CAPZB: variants seen among roughly 807,000 people sequenced by gnomAD.
CAPZB encodes capping actin protein of muscle Z-line subunit beta.
CAPZB carries 2 observed loss-of-function variants against 38.1 expected under a neutral mutation model. The observed-to-expected ratio is 0.05, with a 90% CI of 0.02 to 0.17. CAPZB has a LOEUF of 0.17. CAPZB is among the 10% of genes least tolerant of loss of function. CAPZB has a pLI of 1.00. For missense variants in CAPZB, 161 were observed against 334.2 expected (o/e 0.48, Z 4.04); for synonymous variants, 107 against 127.4 (o/e 0.84, Z 1.08).
chr1:19,386,783 C>T (rs950065813), intron 2 of CAPZB, among the ~76,000 whole-genome samples: 167 of 152,310 alleles, frequency 1.1e-3, no homozygotes, highest in African/African-American at 3.9e-3. Context: ...GACTGTAACC[C>T]TGCCTCATAA....
At chr1:19,370,304 C>T (rs1442722239) in intron 4 of CAPZB, among the ~76,000 whole-genome samples, 2 of 152,216 alleles carry the variant, frequency 1.3e-5, no homozygotes, top group Admixed American at 6.5e-5. Context: ...CTCCATAATT[C>T]GCTACAAGGA....
chr1:19,447,523 C>T (rs1219479516), intron 1 of CAPZB, among the ~76,000 whole-genome samples: 5 of 151,950 alleles, frequency 3.3e-5, no homozygotes, highest in Non-Finnish European at 5.9e-5. Context: ...GCGAGAGCCA[C>T]TGCACCTGGC....
intron 1 of CAPZB, among the ~76,000 whole-genome samples, chr1:19,422,253 G>A (rs994147763): frequency 3.3e-5 from 5 of 152,096 alleles, no homozygotes; most frequent in African/African-American, 1.2e-4. Context: ...GACATCTAAT[G>A]GGTAGGGGCC....
chr1:19,357,453 C>A lies in CAPZB; in HGVS notation c.440G>T (p.Cys147Phe). 6.2e-7 allele frequency: 1 copy of A among 1,614,038 alleles called. No individual in the cohort carries two copies. Among genetic ancestry groups the A allele is most frequent in the Non-Finnish European group, 8.5e-7 (1 of 1,180,024 alleles). ...TTCTACCACGTGGATGGAATCCCAG[C>A]AGCCTTTGATCTTCTTTGATCCATC... is the stretch of plus-strand genomic sequence containing the variant. ...AGDGSKKIKG[C>F]WDSIHVVEVQ... The change falls in exon 5 of 9, where the codon TGC (cysteine) becomes TTC (phenylalanine). Residue 147 changes from cysteine to phenylalanine, a missense_variant. Cys to Phe is a radical substitution (Grantham distance 205). Coordinates refer to ENST00000264202, the MANE Select transcript of CAPZB (RefSeq NM_004930.5). The surrounding 1 kb of genome is among the most constrained non-coding windows in gnomAD (Gnocchi z 4.3).
intron 1 of CAPZB, among the ~76,000 whole-genome samples, chr1:19,459,448 G>A (rs542588292): frequency 1.3e-5 from 2 of 152,188 alleles, no homozygotes; most frequent in African/African-American, 4.8e-5. Flanking sequence ...TTTTTAAAGA[G>A]AGAAAATAGG....
chr1:19,416,932 T>C (rs2094382583), intron 2 of CAPZB, among the ~76,000 whole-genome samples: 1 of 138,612 alleles, frequency 7.2e-6, no homozygotes, highest in Non-Finnish European at 1.5e-5. Flanking sequence ...CAGTACACCA[T>C]ATATCAGTGG....
chr1:19,368,495 G>GAA (rs33961282), intron 4 of CAPZB, among the ~76,000 whole-genome samples: 11 of 112,724 alleles, frequency 9.8e-5, no homozygotes, highest in South Asian at 3.0e-4. Flanking sequence ...TTTTTTCTTG[G>GAA]AAAAAAAAAA....
At chr1:19,407,554 A>C (rs1483561581) in intron 2 of CAPZB, among the ~76,000 whole-genome samples, 1 of 152,120 alleles carries the variant, frequency 6.6e-6, no homozygotes, top group Non-Finnish European at 1.5e-5. Context: ...AATGGCAAGG[A>C]AGCTGGGAAA....
intron 2 of CAPZB, among the ~76,000 whole-genome samples, chr1:19,414,219 T>G (rs1245869169): frequency 6.6e-6 from 1 of 152,042 alleles, no homozygotes; most frequent in Non-Finnish European, 1.5e-5. Flanking sequence ...GCTGCCCCGA[T>G]GGGGGTGGCG....
intron 8 of CAPZB, among the ~76,000 whole-genome samples, chr1:19,340,459 A>G (rs1288331275): frequency 6.6e-6 from 1 of 152,268 alleles, no homozygotes; most frequent in Non-Finnish European, 1.5e-5. Context: ...ATGAAGGCTT[A>G]TGGAGATTTC....
At position 19,344,344 on chromosome 1, in the gene CAPZB, T is replaced by G. The variant is rs778402506; in HGVS notation, c.731+14A>C. On this transcript the variant is annotated intron_variant, in intron 8 of 8. Transcript: ENST00000264202. ...TCTGTCTGCTTCTAAAGCTTGTGCT[T>G]TCTGGTACATTACCTCAGCCCATTG... The G allele has an allele frequency of 6.2e-7, 1 of 1,603,364 alleles. No individual in the cohort carries two copies. Among genetic ancestry groups the G allele is most frequent in the South Asian group, 1.1e-5 (1 of 90,860 alleles).
intron 1 of CAPZB, among the ~76,000 whole-genome samples, chr1:19,432,474 T>C (rs2094445466): frequency 6.6e-6 from 1 of 152,320 alleles, no homozygotes; most frequent in African/African-American, 2.4e-5. Flanking sequence ...TACTTATATA[T>C]TGTCCAGATA....
intron 3 of CAPZB, 137 bp downstream of exon 3, chr1:19,385,368 G>T: frequency 1.2e-6 from 1 of 829,288 alleles, no homozygotes; most frequent in Non-Finnish European, 1.9e-6. Flanking sequence ...AAGGAGAGGA[G>T]GGCAGGGAAC....
rs573471339 is a variant in CAPZB, at chr1:19,471,592, C to T, written c.3+13844G>A. On this transcript the variant is annotated intron_variant, in intron 1 of 8. Coordinates refer to ENST00000264202, the MANE Select transcript of CAPZB (RefSeq NM_004930.5). ...CGAGAAATGCTTCCTCGGCTGGGCG[C>T]TGTGGCTCACACCTGTAATCCCAGC... Among the ~76,000 whole-genome samples the T allele has an allele frequency of 5.4e-3, 818 of 152,230 alleles. 6 individuals are homozygous for T. Among genetic ancestry groups the T allele is most frequent in the African/African-American group, 0.019 (781 of 41,522 alleles).
intron 2 of CAPZB, among the ~76,000 whole-genome samples, chr1:19,399,565 GTGCTA>G (rs2094291881): frequency 6.6e-6 from 1 of 152,160 alleles, no homozygotes; most frequent in African/African-American, 2.4e-5. Context: ...CCATGAAACG[GTGCTA>G]CATGGGGCAT....
At chr1:19,433,179 C>A (rs2094447856) in intron 1 of CAPZB, among the ~76,000 whole-genome samples, 1 of 152,208 alleles carries the variant, frequency 6.6e-6, no homozygotes, top group African/African-American at 2.4e-5. Context: ...CTAATCCCTG[C>A]ACTTTGTCAA....
rs572346759 is a variant in CAPZB, at chr1:19,449,055, A to G, written c.4-29305T>C. 593 of 1,480,058 alleles carry G rather than the reference A, an allele frequency of 4.0e-4. 2 individuals carry two copies. The highest frequency in any genetic ancestry group is 4.9e-4 in the Non-Finnish European group (545 of 1,110,176). The allele number at this position is 1,480,058 out of a possible 1,614,324, so 91.7% of individuals were successfully genotyped here. ...TCCTGACTTCTCCCATCTGGTTTCC[A>G]TCTGACCCAAGCAGCTGGCCAGATG... is the stretch of plus-strand genomic sequence containing the variant. On this transcript the variant is annotated intron_variant, in intron 1 of 8. Coordinates refer to ENST00000264202, the MANE Select transcript of CAPZB (RefSeq NM_004930.5).
chr1:19,386,246 C>T (rs191124114), intron 2 of CAPZB, among the ~76,000 whole-genome samples: 1 of 152,306 alleles, frequency 6.6e-6, no homozygotes, highest in East Asian at 1.9e-4. Flanking sequence ...AAGATGACCC[C>T]GCGGTCGGGG....
intron 2 of CAPZB, among the ~76,000 whole-genome samples, chr1:19,418,785 A>G (rs1328378644): frequency 6.6e-6 from 1 of 152,240 alleles, no homozygotes; most frequent in Non-Finnish European, 1.5e-5. Flanking sequence ...CTGAATGCAT[A>G]CAATGGAATT....
Sources: allele counts gnomAD v4.1 joint callset (sites outside exome capture counted in the v4.1 genomes callset), GRCh38; gene constraint gnomAD v4.1.1; non-coding constraint Gnocchi (gnomAD v3.1); transcripts MANE v1.5; gene names NCBI Gene and HGNC (gene_info 2026-07-23, HGNC 2026-07-21).